VPS8: variants seen among roughly 807,000 people sequenced by gnomAD.
The protein encoded by VPS8 is VPS8 subunit of CORVET complex, also known as vacuolar protein sorting-associated protein 8 homolog.
Under a neutral mutation model 216.4 loss-of-function variants are expected in VPS8, and 129 were observed. The ratio of observed to expected loss-of-function variants is 0.60; its 90% CI spans 0.52 to 0.69. VPS8 has a LOEUF of 0.69. Ranked by LOEUF, VPS8 falls within the 30% of genes least tolerant of loss-of-function variation. The pLI, the probability that VPS8 is intolerant of heterozygous loss-of-function variation, is 0.00. For synonymous variants in VPS8, 571 were observed against 565.4 expected (o/e 1.01, Z -0.14); for missense variants, 1,531 against 1,683.5 (o/e 0.91, Z 1.59).
chr3:184,827,730 A>G (rs1719093120), intron 3 of VPS8, among the ~76,000 whole-genome samples: 2 of 152,218 alleles, frequency 1.3e-5, no homozygotes, highest in African/African-American at 2.4e-5. Flanking sequence ...TATAGTCATT[A>G]GTGGTTTACT....
At chr3:184,990,611 A>G (rs1306805448) in intron 42 of VPS8, among the ~76,000 whole-genome samples, 1 of 152,216 alleles carries the variant, frequency 6.6e-6, no homozygotes, top group Non-Finnish European at 1.5e-5. Flanking sequence ...ACTCAGAAAG[A>G]TCAAATAATT....
At chr3:184,914,367 G>A (rs902447263) in intron 26 of VPS8, among the ~76,000 whole-genome samples, 9 of 151,998 alleles carry the variant, frequency 5.9e-5, no homozygotes, top group African/African-American at 1.9e-4. Flanking sequence ...CTCCCTCCCC[G>A]CCAAAAAATA....
chr3:184,870,747 G>A lies in VPS8; in HGVS notation c.1676G>A (p.Arg559Gln), dbSNP rs759209310. The change falls in exon 21 of 48, where the codon CGA becomes CAA. Residue 559 changes from arginine to glutamine, a missense_variant. Arg to Gln is a conservative substitution (Grantham distance 43, BLOSUM62 1). Around this residue, in one of 3 missense-constraint regions of VPS8, gnomAD observed 1,318 missense variants for 1,468.4 expected, o/e 0.90. Coordinates refer to ENST00000625842, the MANE Select transcript of VPS8 (RefSeq NM_001009921.3). ...GAAATCCTATTCCATTATGCAGATC[G>A]AGCTCTGAAAAAGTGCCCAGACCAA... is the stretch of plus-strand genomic sequence containing the variant. Reference protein sequence around the residue: ...MVEILFHYADRALKKCPDQGK... With the variant: ...MVEILFHYADQALKKCPDQGK... 5.2e-5 allele frequency: 84 copies of A among 1,612,326 alleles called. No homozygotes were observed. The highest frequency in any genetic ancestry group is 2.1e-4 in the South Asian group (19 of 90,742).
intron 22 of VPS8, among the ~76,000 whole-genome samples, chr3:184,893,749 A>C (rs1005556143): frequency 6.6e-6 from 1 of 152,216 alleles, no homozygotes; most frequent in African/African-American, 2.4e-5. Flanking sequence ...AAGCCCTTCA[A>C]ATGGGAAAGG....
chr3:184,926,755 T>C lies in VPS8; in HGVS notation c.2631+105T>C, dbSNP rs908454774. 39 of 1,113,406 alleles carry C rather than the reference T, an allele frequency of 3.5e-5. No homozygotes were observed. In the African/African-American group the frequency reaches 5.1e-4, roughly 15 times the overall value. The allele number at this position is 1,113,406 out of a possible 1,614,324, so 69.0% of individuals were successfully genotyped here. A position where few individuals can be genotyped will look rare whatever the true frequency, so the allele number is the denominator to read the frequency against. ...ACTACACATGAGGGGCAATTACTTG[T>C]GCCAAACCCTAATACGAAGTTAGAG... On this transcript the variant is annotated intron_variant, in intron 31 of 47. Coordinates refer to ENST00000625842, the MANE Select transcript of VPS8 (RefSeq NM_001009921.3).
Position 184,894,702 on chromosome 3 carries a change from G to T in VPS8, c.1782-1G>T. ...TTTTTCTCCCCCCCTTTCTGTTACA[G>T]GGATCTTTTATTTAGTCAGATGTAT... On this transcript the variant is annotated splice_acceptor_variant, in intron 22 of 47. Transcript: ENST00000625842. LOFTEE classifies it high-confidence loss of function. The T allele has an allele frequency of 6.3e-7, 1 of 1,590,378 alleles. No homozygotes were observed. The highest frequency in any genetic ancestry group is 1.3e-5 in the African/African-American group (1 of 74,498).
chr3:184,938,889 AC>A (rs1742138181), intron 35 of VPS8, among the ~76,000 whole-genome samples: 1 of 151,690 alleles, frequency 6.6e-6, no homozygotes, highest in African/African-American at 2.4e-5. Context: ...AATTAGCTGG[AC>A]ATGGTGGTGG....
intron 1 of VPS8, among the ~76,000 whole-genome samples, chr3:184,823,248 C>T (rs1458033650): frequency 6.6e-6 from 1 of 152,192 alleles, no homozygotes; most frequent in African/African-American, 2.4e-5. Flanking sequence ...CATGATGGCA[C>T]ATGCCTGTAG....
At chr3:184,919,138 A>G (rs1002040961) in intron 28 of VPS8, 4 of 152,218 alleles carry the variant, frequency 2.6e-5, no homozygotes, top group Admixed American at 1.3e-4. Flanking sequence ...AATTGGGGGA[A>G]ATTCAGGCCC....
At chr3:184,820,931 C>A (rs949584779) in intron 1 of VPS8, among the ~76,000 whole-genome samples, 13 of 152,108 alleles carry the variant, frequency 8.5e-5, no homozygotes, top group Admixed American at 8.5e-4. Flanking sequence ...TAGACAAAAC[C>A]CCTATCATTC....
chr3:184,900,797 A>G, intron 24 of VPS8, 124 bp from the exon 25 acceptor site: 1 of 800,958 alleles, frequency 1.2e-6, no homozygotes, highest in Non-Finnish European at 2.0e-6. Flanking sequence ...AGGTTTTCAT[A>G]TTTAATCTTA....
At chr3:184,901,047 A>G (rs1358039878) in intron 25 of VPS8, 75 bp downstream of exon 25, 13 of 1,296,696 alleles carry the variant, frequency 1.0e-5, no homozygotes, top group Non-Finnish European at 1.3e-5. Context: ...AAATTGGCCA[A>G]TTATATGTGT....
chr3:184,938,534 C>A (rs914136819), intron 35 of VPS8, among the ~76,000 whole-genome samples: 2 of 152,158 alleles, frequency 1.3e-5, no homozygotes, highest in Non-Finnish European at 2.9e-5. Flanking sequence ...GAGCTTCTCT[C>A]CCCTTTAAAA....
At chr3:184,866,819 ATATAT>A in intron 16 of VPS8, 52 bp from the exon 17 acceptor site, 2 of 1,520,016 alleles carry the variant, frequency 1.3e-6, no homozygotes, top group Non-Finnish European at 1.8e-6. Context: ...ATGTTAAAAA[ATATAT>A]TAAATACAAA....
intron 22 of VPS8, 126 bp from the exon 23 acceptor site, chr3:184,894,576 TA>T: frequency 1.6e-6 from 1 of 643,562 alleles, no homozygotes; most frequent in African/African-American, 1.9e-5. Context: ...CTGTGAATAT[TA>T]TTGCCATTTT....
chr3:184,845,467 T>C (rs952174664), intron 8 of VPS8, among the ~76,000 whole-genome samples: 1 of 152,044 alleles, frequency 6.6e-6, no homozygotes, highest in Non-Finnish European at 1.5e-5. Context: ...ATAGGACATA[T>C]GAAGAGGAGT....
intron 45 of VPS8, among the ~76,000 whole-genome samples, chr3:185,007,279 G>A (rs1260232965): frequency 6.6e-6 from 1 of 152,032 alleles, no homozygotes; most frequent in Non-Finnish European, 1.5e-5. Context: ...TTACCCACAG[G>A]AGAAACTAAT....
At chr3:184,983,675 G>GA (rs1314580544) in intron 42 of VPS8, among the ~76,000 whole-genome samples, 1 of 151,938 alleles carries the variant, frequency 6.6e-6, no homozygotes, top group Admixed American at 6.5e-5. Context: ...TATATTTTTA[G>GA]AAAAAAACCT....
chr3:184,955,441 C>A (rs1057481220), intron 36 of VPS8, among the ~76,000 whole-genome samples: 34 of 152,188 alleles, frequency 2.2e-4, no homozygotes, highest in African/African-American at 7.2e-4. Flanking sequence ...GTCCCATGAT[C>A]ATGTGACTTG....
Sources: allele counts gnomAD v4.1 joint callset (sites outside exome capture counted in the v4.1 genomes callset), GRCh38; gene constraint gnomAD v4.1.1; regional missense constraint gnomAD v4.1.1; transcripts MANE v1.5; gene names NCBI Gene and HGNC (gene_info 2026-07-23, HGNC 2026-07-21).